The following DGKB variants were observed in gnomAD, a reference collection of about 807,000 sequenced individuals.
DGKB encodes the protein diacylglycerol kinase beta.
A neutral mutation model predicts 114.3 loss-of-function variants in DGKB; 67 were observed. That is an observed-to-expected ratio of 0.59 (90% CI 0.48 to 0.72). The LOEUF (loss-of-function observed/expected upper bound fraction) is 0.72. Ranked by LOEUF, DGKB falls within the 30% of genes least tolerant of loss-of-function variation. The pLI is 0.00. For missense variants in DGKB, 907 were observed against 975.2 expected (o/e 0.93, Z 0.93); for synonymous variants, 398 against 323.1 (o/e 1.23, Z -2.49).
chr7:14,320,543 A>G (rs1260222363), intron 23 of DGKB, among the ~76,000 whole-genome samples: 1 of 151,632 alleles, frequency 6.6e-6, no homozygotes, highest in African/African-American at 2.4e-5. Flanking sequence ...TATGCGGTAC[A>G]TATATGTACT....
intron 23 of DGKB, among the ~76,000 whole-genome samples, chr7:14,229,656 G>GA (rs1562679528): frequency 6.6e-6 from 1 of 152,018 alleles, no homozygotes; most frequent in East Asian, 1.9e-4. Context: ...TATCTGGGGA[G>GA]AAAATTACTG....
intron 2 of DGKB, among the ~76,000 whole-genome samples, chr7:14,809,078 T>A (rs1337233595): frequency 6.6e-6 from 1 of 152,126 alleles, no homozygotes; most frequent in East Asian, 1.9e-4. Flanking sequence ...TTAATGTAGG[T>A]TGAGTTTTCT....
chr7:14,315,087 G>T (rs1043023933), intron 23 of DGKB, among the ~76,000 whole-genome samples: 2 of 150,286 alleles, frequency 1.3e-5, no homozygotes, highest in African/African-American at 2.4e-5. Context: ...AATGCTGAGA[G>T]ATTTTGTCAC....
At chr7:14,652,840 A>G (rs1345072471) in intron 13 of DGKB, among the ~76,000 whole-genome samples, 15 of 152,232 alleles carry the variant, frequency 9.9e-5, no homozygotes, top group Non-Finnish European at 7.3e-5. Context: ...AAAAGTGGGC[A>G]AAGTATATGA....
chr7:14,680,215 AT>A (rs1456067858), intron 12 of DGKB, among the ~76,000 whole-genome samples: 1 of 151,744 alleles, frequency 6.6e-6, no homozygotes, highest in African/African-American at 2.4e-5. Context: ...TTTGAGATTG[AT>A]TAATTGACTT....
rs10226896 is a variant in DGKB, at chr7:14,467,358, A to G, written c.1835+10803T>C. Among the ~76,000 whole-genome samples the G allele has an allele frequency of 1.1e-3, 159 of 151,138 alleles. 1 individual carries two copies. The highest frequency in any genetic ancestry group is 3.7e-3 in the African/African-American group (154 of 41,414). ...AAATATCTTGATTTAGCCATTCCAC[A>G]ATGTATACAAACATCAAAGAATCCT... On this transcript the variant is annotated intron_variant, in intron 21 of 25. Coordinates refer to ENST00000402815, the MANE Select transcript of DGKB (RefSeq NM_001350709.2).
At chr7:14,176,928 T>C in intron 24 of DGKB, 29 bp from the exon 25 acceptor site, 3 of 1,612,378 alleles carry the variant, frequency 1.9e-6, no homozygotes, top group Non-Finnish European at 2.5e-6. Context: ...TTGTAAGTAT[T>C]GCAAGGAAAT....
chr7:14,321,859 A>C (rs755392108), intron 23 of DGKB, among the ~76,000 whole-genome samples: 10 of 152,228 alleles, frequency 6.6e-5, no homozygotes, highest in Non-Finnish European at 1.2e-4. Context: ...AGAAAGTTAT[A>C]AACCATTATA....
chr7:14,216,725 C>CAAAAAAAAAAAAA (rs755191130), intron 23 of DGKB, among the ~76,000 whole-genome samples: 1 of 50,350 alleles, frequency 2.0e-5, no homozygotes, highest in Non-Finnish European at 4.0e-5. Flanking sequence ...GACTCCGTCT[C>CAAAAAAAAAAAAA]AAAAAAAAAA....
At chr7:14,739,702 C>A (rs1392561682) in intron 4 of DGKB, among the ~76,000 whole-genome samples, 1 of 152,140 alleles carries the variant, frequency 6.6e-6, no homozygotes, top group African/African-American at 2.4e-5. Flanking sequence ...TCTGGGCCTT[C>A]CAGTCCTCAG....
rs150268553 is a variant in DGKB, at chr7:14,911,957, T to C, written c.-188+62739A>G. ...AGGAAAGTCTGGCTAATATCTAAAA[T>C]GTCTGGACTATGTTCAAAACACATC... On this transcript the variant is annotated intron_variant, in intron 1 of 4. Transcript: ENST00000437998. 2.2e-3 allele frequency among the ~76,000 whole-genome samples: 331 copies of C among 152,340 alleles called. 1 individual carries two copies. Among genetic ancestry groups the C allele is most frequent in the Middle Eastern group, 6.8e-3 (2 of 294 alleles).
At chr7:14,625,334 A>G (rs1808384161) in intron 14 of DGKB, among the ~76,000 whole-genome samples, 1 of 152,096 alleles carries the variant, frequency 6.6e-6, no homozygotes, top group African/African-American at 2.4e-5. Flanking sequence ...TTTTTCTTCT[A>G]TTTCCATTGA....
chr7:14,572,625 G>A (rs1458690841), intron 20 of DGKB, among the ~76,000 whole-genome samples: 2 of 152,016 alleles, frequency 1.3e-5, no homozygotes, highest in Non-Finnish European at 2.9e-5. Flanking sequence ...TTAAGAGACA[G>A]GCATCATTAA....
intron 19 of DGKB, among the ~76,000 whole-genome samples, chr7:14,577,612 G>A (rs567527228): frequency 4.0e-5 from 6 of 148,846 alleles, no homozygotes; most frequent in African/African-American, 7.7e-5. Flanking sequence ...GTGAGACTCC[G>A]TCTCAAAAAA....
intron 21 of DGKB, among the ~76,000 whole-genome samples, chr7:14,401,479 C>A (rs1823089075): frequency 6.6e-6 from 1 of 151,816 alleles, no homozygotes; most frequent in Admixed American, 6.6e-5. Context: ...AACTGTGAGG[C>A]TCTATATCCC....
At chr7:14,779,440 G>A (rs1838738571) in intron 2 of DGKB, among the ~76,000 whole-genome samples, 1 of 152,284 alleles carries the variant, frequency 6.6e-6, no homozygotes, top group South Asian at 2.1e-4. Flanking sequence ...AGGAGGTTGA[G>A]GCTGAGGATG....
At chr7:14,972,256 G>C (rs1412178813) in intron 1 of DGKB, among the ~76,000 whole-genome samples, 1 of 152,008 alleles carries the variant, frequency 6.6e-6, no homozygotes, top group African/African-American at 2.4e-5. Context: ...CTCCATTTTA[G>C]ATTTAATATA....
intron 1 of DGKB, among the ~76,000 whole-genome samples, chr7:14,936,732 A>G (rs531563664): frequency 2.7e-4 from 41 of 151,776 alleles, no homozygotes; most frequent in African/African-American, 9.7e-4. Context: ...GTAAATGATT[A>G]CTCTCCCATT....
intron 1 of DGKB, among the ~76,000 whole-genome samples, chr7:14,897,829 G>C (rs1439508273): frequency 6.6e-6 from 1 of 151,812 alleles, no homozygotes; most frequent in Non-Finnish European, 1.5e-5. Flanking sequence ...AGTCTTTGGT[G>C]GGCAGGGGGC....
Sources: allele counts gnomAD v4.1 joint callset (sites outside exome capture counted in the v4.1 genomes callset), GRCh38; gene constraint gnomAD v4.1.1; transcripts MANE v1.5; gene names NCBI Gene and HGNC (gene_info 2026-07-23, HGNC 2026-07-21).